Variants in KCNQ1OT1 observed in about 807,000 individuals in gnomAD.
The protein encoded by KCNQ1OT1 is KCNQ1 opposite strand/antisense transcript 1.
exon 1 of KCNQ1OT1, chr11:2,636,395 G>A (rs1265445872): frequency 1.3e-5 from 2 of 152,012 alleles, no homozygotes; most frequent in Non-Finnish European, 2.9e-5. Context: ...TTAGCATGAA[G>A]GGCTGTTGAA....
Position 2,645,649 on chromosome 11 carries a change from C to A in KCNQ1OT1, n.54346G>T, listed in dbSNP as rs551695922. The A allele has an allele frequency of 5.0e-6, 2 of 398,672 alleles. No individual in the cohort carries two copies. Among genetic ancestry groups the A allele is most frequent in the Non-Finnish European group, 4.4e-6 (1 of 226,194 alleles). The allele number at this position is 398,672 out of a possible 1,614,324, so 24.7% of individuals were successfully genotyped here. ...ACCTTTCCTCATGGCAGCCTTGCTT[C>A]GGAGGTAGCAGAGTATTGCCAATGG... On this transcript the variant is annotated non_coding_transcript_exon_variant, in exon 1 of 1. Transcript: ENST00000597346. This position sits in a 1 kb window ranked among gnomAD's most constrained non-coding sequence, Gnocchi z 5.8.
exon 1 of KCNQ1OT1, chr11:2,692,371 C>T (rs895908288): frequency 7.5e-6 from 3 of 398,790 alleles, no homozygotes; most frequent in African/African-American, 6.2e-5. Context: ...AACTGGCATT[C>T]TCACATCCCC....
chr11:2,659,842 A>G lies in KCNQ1OT1; in HGVS notation n.40153T>C, dbSNP rs151215. Reference sequence around the variant, plus strand: ...TTGCATTTCCATATTTATGTTAATTATGTATCTTTTCATGTGCTTATTTAT... The same window carrying G: ...TTGCATTTCCATATTTATGTTAATTGTGTATCTTTTCATGTGCTTATTTAT... On this transcript the variant is annotated non_coding_transcript_exon_variant, in exon 1 of 1. Transcript: ENST00000597346. This position sits in a 1 kb window ranked among gnomAD's most constrained non-coding sequence, Gnocchi z 4.3. The G allele has an allele frequency of 0.24, 96,979 of 398,078 alleles. 12,527 individuals carry two copies. The highest frequency in any genetic ancestry group is 0.37 in the African/African-American group (18,171 of 48,552). 24.7% of individuals were successfully genotyped at this position (398,078 alleles called of 1,614,324 possible).
rs561815933 is a variant in KCNQ1OT1 at position 2,678,865 on chromosome 11, G to A, written n.21130C>T. 12 of 398,588 alleles carry A rather than the reference G, an allele frequency of 3.0e-5. No individual in the cohort carries two copies. The Admixed American group carries it at 5.3e-4, about 18-fold the overall frequency. The allele number at this position is 398,588 out of a possible 1,614,324, so 24.7% of individuals were successfully genotyped here. On this transcript the variant is annotated non_coding_transcript_exon_variant, in exon 1 of 1. Transcript: ENST00000597346. This position sits in a 1 kb window ranked among gnomAD's most constrained non-coding sequence, Gnocchi z 4.9. Reference sequence around the variant, plus strand: ...GAATCCAGGTCGGGGGTGCACAGGAGTTGCCAGCTGGACCCAAGGACCATT... The same window carrying A: ...GAATCCAGGTCGGGGGTGCACAGGAATTGCCAGCTGGACCCAAGGACCATT...
At chr11:2,615,055 C>T (rs926442928) in exon 1 of KCNQ1OT1, 1 of 398,074 alleles carries the variant, frequency 2.5e-6, no homozygotes, top group Non-Finnish European at 4.4e-6. Flanking sequence ...TTATTTAAGT[C>T]TTCTTTAATT....
In KCNQ1OT1 at chr11:2,620,186, T is replaced by C; in HGVS notation, n.79809A>G. 1 of 390,354 alleles carries C rather than the reference T, an allele frequency of 2.6e-6. No individual in the cohort carries two copies. The allele number at this position is 390,354 out of a possible 1,614,324, so 24.2% of individuals were successfully genotyped here. ...TGCATCCATGTTGCTGCAAAGGACGTAAGTTCATTCATGTATATATATATA... is the reference window on the plus strand; with the variant it reads ...TGCATCCATGTTGCTGCAAAGGACGCAAGTTCATTCATGTATATATATATA... On this transcript the variant is annotated non_coding_transcript_exon_variant, in exon 1 of 1. Coordinates refer to ENST00000597346, the Ensembl canonical transcript of KCNQ1OT1. The surrounding 1 kb of genome is among the most constrained non-coding windows in gnomAD (Gnocchi z 4.5).
At chr11:2,666,785 T>G in exon 1 of KCNQ1OT1, 1 of 398,670 alleles carries the variant, frequency 2.5e-6, no homozygotes, top group East Asian at 3.6e-5. Flanking sequence ...TCACCATATT[T>G]CTCTCCCTGT....
At chr11:2,635,333 T>C (rs1427550619) in exon 1 of KCNQ1OT1, 1 of 152,204 alleles carries the variant, frequency 6.6e-6, no homozygotes, top group African/African-American at 2.4e-5. Flanking sequence ...TGTAAGTCTT[T>C]AATCCATCTT....
At position 2,664,027 on chromosome 11, in the gene KCNQ1OT1, T is replaced by C; in HGVS notation, n.35968A>G. The C allele has an allele frequency of 2.5e-6, 1 of 398,756 alleles. No homozygotes were observed. Among genetic ancestry groups the C allele is most frequent in the Non-Finnish European group, 4.4e-6 (1 of 226,140 alleles). The allele number at this position is 398,756 out of a possible 1,614,324, so 24.7% of individuals were successfully genotyped here. A position where few individuals can be genotyped will look rare whatever the true frequency, so the allele number is the denominator to read the frequency against. On this transcript the variant is annotated non_coding_transcript_exon_variant, in exon 1 of 1. Coordinates refer to ENST00000597346, the Ensembl canonical transcript of KCNQ1OT1. The surrounding 1 kb of genome is among the most constrained non-coding windows in gnomAD (Gnocchi z 5.1). ...GGCACATTACCATTCTGCAAGATCC[T>C]GCAGCCTTTTCAGGTTGGCACTCCC...
chr11:2,667,570 G>A (rs1850101265), exon 1 of KCNQ1OT1: 2 of 398,256 alleles, frequency 5.0e-6, no homozygotes, highest in African/African-American at 2.1e-5. Flanking sequence ...CTGGCAGTTG[G>A]GGCAGGGGGT....
rs2133853023 is a variant in KCNQ1OT1, at chr11:2,659,577, G to T, written n.40418C>A. 2.5e-6 allele frequency: 1 copy of T among 398,474 alleles called. No homozygotes were observed. The highest frequency in any genetic ancestry group is 2.1e-5 in the African/African-American group (1 of 48,726). 24.7% of individuals were successfully genotyped at this position (398,474 alleles called of 1,614,324 possible). A position where few individuals can be genotyped will look rare whatever the true frequency, so the allele number is the denominator to read the frequency against. Reference sequence around the variant, plus strand: ...GAGTTACTATACACATTTATGTACAGGTTTTTGCGAACATAAAAATTCAAT... The same window carrying T: ...GAGTTACTATACACATTTATGTACATGTTTTTGCGAACATAAAAATTCAAT... On this transcript the variant is annotated non_coding_transcript_exon_variant, in exon 1 of 1. Coordinates refer to ENST00000597346, the Ensembl canonical transcript of KCNQ1OT1. The surrounding 1 kb of genome is among the most constrained non-coding windows in gnomAD (Gnocchi z 4.3).
In KCNQ1OT1 at chr11:2,668,155, C is replaced by G. The variant is rs1457191338; in HGVS notation, n.31840G>C. 3 of 398,486 alleles carry G rather than the reference C, an allele frequency of 7.5e-6. No individual in the cohort carries two copies. Among genetic ancestry groups the G allele is most frequent in the Non-Finnish European group, 1.3e-5 (3 of 226,074 alleles). The allele number at this position is 398,486 out of a possible 1,614,324, so 24.7% of individuals were successfully genotyped here. On this transcript the variant is annotated non_coding_transcript_exon_variant, in exon 1 of 1. Coordinates refer to ENST00000597346, the Ensembl canonical transcript of KCNQ1OT1. The surrounding 1 kb of genome is among the most constrained non-coding windows in gnomAD (Gnocchi z 4.3). The stretch of plus-strand genomic sequence containing the variant: ...TCTATGGGGCTGAAGGGAGAGTGCT[C>G]CCTCATGCTCCTTGCTGACTGGTGC...
Position 2,625,974 on chromosome 11 carries a change from T to C in KCNQ1OT1, n.74021A>G, listed in dbSNP as rs187530168. On this transcript the variant is annotated non_coding_transcript_exon_variant, in exon 1 of 1. Coordinates refer to ENST00000597346, the Ensembl canonical transcript of KCNQ1OT1. ...ATCAGGTATGTGATTTGCAAATTTT[T>C]CTCCCATTCTGTAGGTTGTCTTATT... 130 of 398,656 alleles carry C rather than the reference T, an allele frequency of 3.3e-4. No individual in the cohort carries two copies. Among genetic ancestry groups the C allele is most frequent in the Admixed American group, 5.7e-4 (13 of 22,736 alleles). The allele number at this position is 398,656 out of a possible 1,614,324, so 24.7% of individuals were successfully genotyped here.
chr11:2,624,068 G>A lies in KCNQ1OT1; in HGVS notation n.75927C>T. ...GAGTGTTCCTGTTGCCCCACATATT[G>A]GCAAGTATTTGGTATTGTCAGTGTT... On this transcript the variant is annotated non_coding_transcript_exon_variant, in exon 1 of 1. Transcript: ENST00000597346. The surrounding 1 kb of genome is among the most constrained non-coding windows in gnomAD (Gnocchi z 4.9). 2 of 398,814 alleles carry A rather than the reference G, an allele frequency of 5.0e-6. No individual in the cohort carries two copies. Among genetic ancestry groups the A allele is most frequent in the Non-Finnish European group, 8.8e-6 (2 of 226,320 alleles). The allele number at this position is 398,814 out of a possible 1,614,324, so 24.7% of individuals were successfully genotyped here. A position where few individuals can be genotyped will look rare whatever the true frequency, so the allele number is the denominator to read the frequency against.
rs1849758132 is a variant in KCNQ1OT1, at chr11:2,651,647, C to T, written n.48348G>A. 1 of 398,734 alleles carries T rather than the reference C, an allele frequency of 2.5e-6. No individual in the cohort carries two copies. The highest frequency in any genetic ancestry group is 4.4e-6 in the Non-Finnish European group (1 of 226,110). 24.7% of individuals were successfully genotyped at this position (398,734 alleles called of 1,614,324 possible). A position where few individuals can be genotyped will look rare whatever the true frequency, so the allele number is the denominator to read the frequency against. On this transcript the variant is annotated non_coding_transcript_exon_variant, in exon 1 of 1. Coordinates refer to ENST00000597346, the Ensembl canonical transcript of KCNQ1OT1. The surrounding 1 kb of genome is among the most constrained non-coding windows in gnomAD (Gnocchi z 6.1). ...CCTGCCCCACCTGGGGTCTCTGTCTCTCCCACAGCTCACTGACATTAGCCA... is the reference window on the plus strand; with the variant it reads ...CCTGCCCCACCTGGGGTCTCTGTCTTTCCCACAGCTCACTGACATTAGCCA...
chr11:2,667,698 G>C (rs974710239), exon 1 of KCNQ1OT1: 7 of 398,698 alleles, frequency 1.8e-5, no homozygotes, highest in Non-Finnish European at 2.7e-5. Context: ...AGGTGACCTA[G>C]TCAGGAAGTC....
exon 1 of KCNQ1OT1, chr11:2,625,125 T>G (rs1849242831): frequency 5.0e-6 from 2 of 398,536 alleles, no homozygotes; most frequent in Non-Finnish European, 8.8e-6. Context: ...ATCAGATAAT[T>G]CTGTTTTTAA....
exon 1 of KCNQ1OT1, chr11:2,692,546 C>T: frequency 2.5e-6 from 1 of 398,820 alleles, no homozygotes; most frequent in Non-Finnish European, 4.4e-6. Flanking sequence ...GGGCCCTTGG[C>T]CTGCCCCTGC....
In KCNQ1OT1 at chr11:2,651,308, C is replaced by T; in HGVS notation, n.48687G>A. 1 of 398,722 alleles carries T rather than the reference C, an allele frequency of 2.5e-6. No homozygotes were observed. Among genetic ancestry groups the T allele is most frequent in the Non-Finnish European group, 4.4e-6 (1 of 226,120 alleles). The allele number at this position is 398,722 out of a possible 1,614,324, so 24.7% of individuals were successfully genotyped here. ...TTCATGGTGGGCAGCTGGGAAGCTG[C>T]ACAGAACACTCCTCAGAGTTCTACA... is the stretch of plus-strand genomic sequence containing the variant. On this transcript the variant is annotated non_coding_transcript_exon_variant, in exon 1 of 1. Transcript: ENST00000597346. The surrounding 1 kb of genome is among the most constrained non-coding windows in gnomAD (Gnocchi z 6.1).
Sources: gnomAD v4.1 joint callset for allele counts on GRCh38, gnomAD v4.1.1 for gene constraint, Gnocchi (gnomAD v3.1) non-coding constraint, MANE v1.5 for transcripts, NCBI Gene and HGNC (gene_info 2026-07-23, HGNC 2026-07-21) for gene names.